Variants in RAB38 observed in about 807,000 individuals in gnomAD.
RAB38 encodes RAB38, member RAS oncogene family.
In RAB38, 15 loss-of-function variants were observed where a neutral mutation model predicts 18.4. The ratio of observed to expected loss-of-function variants is 0.82; its 90% CI spans 0.55 to 1.26. The LOEUF (loss-of-function observed/expected upper bound fraction) is 1.26, where lower values mean the gene tolerates loss of function less well. Ranked by LOEUF, RAB38 falls within the 50% of genes most tolerant of loss-of-function variation. The pLI, the probability that RAB38 is intolerant of heterozygous loss-of-function variation, is 0.00. For synonymous variants in RAB38, 101 were observed against 104.4 expected (o/e 0.97, Z 0.20); for missense variants, 294 against 267.4 (o/e 1.10, Z -0.69).
At chr11:87,825,378 T>C in the RAB38 span, among the ~76,000 whole-genome samples, 2 of 152,122 alleles carry the variant, frequency 1.3e-5, no homozygotes, top group African/African-American at 4.8e-5. Flanking sequence ...CAGAAATATC[T>C]TTTCTCACAG....
At chr11:88,094,534 C>A in the RAB38 span, among the ~76,000 whole-genome samples, 1 of 151,870 alleles carries the variant, frequency 6.6e-6, no homozygotes, top group East Asian at 1.9e-4. Flanking sequence ...TGTCCTTCAA[C>A]TCCTCATGTC....
chr11:87,915,222 G>C, the RAB38 span, among the ~76,000 whole-genome samples: 2 of 152,252 alleles, frequency 1.3e-5, no homozygotes, highest in South Asian at 2.1e-4. Context: ...ATTTGAACCA[G>C]AGTGACTCCA....
chr11:87,948,850 C>A, the RAB38 span, among the ~76,000 whole-genome samples: 27,552 of 151,634 alleles, frequency 0.18, 2,787 homozygotes, highest in South Asian at 0.36. Flanking sequence ...GTCTAAAATT[C>A]TTTTTTTGTT....
the RAB38 span, among the ~76,000 whole-genome samples, chr11:88,026,195 C>A: frequency 6.6e-6 from 1 of 151,794 alleles, no homozygotes; most frequent in Non-Finnish European, 1.5e-5. Context: ...AAACTCCTGA[C>A]AAAATTAAAG....
the RAB38 span, among the ~76,000 whole-genome samples, chr11:87,827,055 G>T: frequency 6.6e-6 from 1 of 152,124 alleles, no homozygotes; most frequent in South Asian, 2.1e-4. Context: ...GTAACAATAA[G>T]GAGTACCTTG....
the RAB38 span, among the ~76,000 whole-genome samples, chr11:87,976,583 AT>A: frequency 9.3e-6 from 1 of 107,378 alleles, no homozygotes; most frequent in South Asian, 2.9e-4. Context: ...AAATATATAT[AT>A]TTTATATACT....
chr11:88,156,872 G>A (rs1943133775), intron 1 of RAB38, among the ~76,000 whole-genome samples: 1 of 152,126 alleles, frequency 6.6e-6, no homozygotes, highest in South Asian at 2.1e-4. Context: ...TCTACTGGCT[G>A]CCACAAAAAT....
the RAB38 span, among the ~76,000 whole-genome samples, chr11:87,971,705 G>A: frequency 6.6e-6 from 1 of 152,228 alleles, no homozygotes; most frequent in East Asian, 1.9e-4. Flanking sequence ...CTAATATATG[G>A]AGGAGTGAGT....
chr11:87,924,024 T>C, the RAB38 span, among the ~76,000 whole-genome samples: 5 of 138,488 alleles, frequency 3.6e-5, no homozygotes, highest in East Asian at 1.2e-3. Flanking sequence ...AAAGCTGAAG[T>C]AAATACAGAC....
chr11:88,049,428 A>AC, the RAB38 span, among the ~76,000 whole-genome samples: 1 of 144,100 alleles, frequency 6.9e-6, no homozygotes, highest in Non-Finnish European at 1.5e-5. Flanking sequence ...GCACCTTGTG[A>AC]CCCCCACCCC....
At chr11:88,070,596 T>C in the RAB38 span, among the ~76,000 whole-genome samples, 2 of 152,266 alleles carry the variant, frequency 1.3e-5, no homozygotes, top group Admixed American at 6.5e-5. Flanking sequence ...CATGCACATG[T>C]GAGAAAGAGA....
the RAB38 span, among the ~76,000 whole-genome samples, chr11:88,104,171 C>T: frequency 6.6e-6 from 1 of 152,078 alleles, no homozygotes; most frequent in Non-Finnish European, 1.5e-5. Context: ...TCTTTGGATG[C>T]GCTCCCTCAG....
the RAB38 span, among the ~76,000 whole-genome samples, chr11:87,842,810 G>GCA: frequency 1.4e-5 from 1 of 69,460 alleles, no homozygotes; most frequent in Non-Finnish European, 2.9e-5. Context: ...ACACACACAC[G>GCA]CGCGCGCACA....
chr11:88,037,635 A>G, the RAB38 span, among the ~76,000 whole-genome samples: 1 of 152,092 alleles, frequency 6.6e-6, no homozygotes, highest in Non-Finnish European at 1.5e-5. Context: ...GCTTTCTATC[A>G]CAACAGGTTT....
the RAB38 span, among the ~76,000 whole-genome samples, chr11:87,905,765 T>G: frequency 6.6e-6 from 1 of 151,918 alleles, no homozygotes; most frequent in African/African-American, 2.4e-5. Context: ...TGTGCATACT[T>G]TAATAATCAG....
intron 2 of RAB38, among the ~76,000 whole-genome samples, chr11:88,124,157 T>G (rs1942663469): frequency 6.6e-6 from 1 of 152,232 alleles, no homozygotes. Flanking sequence ...TTTTAGTCAC[T>G]TTTTGTATTT....
chr11:88,129,511 T>C (rs1942742265), intron 2 of RAB38, among the ~76,000 whole-genome samples: 1 of 152,068 alleles, frequency 6.6e-6, no homozygotes, highest in Non-Finnish European at 1.5e-5. Context: ...CATGGTGGCA[T>C]GTGCGTGTAA....
chr11:87,973,511 C>A, the RAB38 span, among the ~76,000 whole-genome samples: 1 of 151,936 alleles, frequency 6.6e-6, no homozygotes, highest in Non-Finnish European at 1.5e-5. Flanking sequence ...AGGGTACACC[C>A]CTGTCTACGG....
At chr11:88,049,461 C>A in the RAB38 span, among the ~76,000 whole-genome samples, 2 of 151,998 alleles carry the variant, frequency 1.3e-5, no homozygotes, top group African/African-American at 2.4e-5. Context: ...AATAACCCCC[C>A]CGATTTGACT....
Sources: gnomAD v4.1 joint callset for allele counts (sites outside exome capture counted in the v4.1 genomes callset) on GRCh38, gnomAD v4.1.1 for gene constraint, MANE v1.5 for transcripts, NCBI Gene and HGNC (gene_info 2026-07-23, HGNC 2026-07-21) for gene names.